DIAPH2: variants seen among roughly 807,000 people sequenced by gnomAD.
The protein encoded by DIAPH2 is protein diaphanous homolog 2.
DIAPH2 carries 35 observed loss-of-function variants against 92.7 expected under a neutral mutation model. The observed-to-expected ratio is 0.38, with a 90% confidence interval of 0.29 to 0.50. The LOEUF (loss-of-function observed/expected upper bound fraction) is 0.50, where lower values mean the gene tolerates loss of function less well. Among genes scored for constraint, DIAPH2 ranks in the 20% least tolerant of loss-of-function variants. The probability of loss-of-function intolerance (pLI) is 0.94; values close to 1 mark genes in which losing one functional copy is unlikely to be tolerated. For missense variants in DIAPH2, 701 were observed against 819.5 expected (o/e 0.86, Z 1.77); for synonymous variants, 301 against 280.4 (o/e 1.07, Z -0.73).
rs1271349364 is a variant in DIAPH2 at position 96,874,883 on chromosome X, A to G, written c.448-6696A>G. Among the ~76,000 whole-genome samples the G allele has an allele frequency of 2.7e-5, 3 of 111,993 alleles. No homozygotes were observed. The East Asian group carries it at 8.3e-4, about 31-fold the overall frequency. ...CAATATGGACACAGAATTAAAAACT[A>G]TGTTTAGAGTTTGTGTACTTGACAT... is the stretch of plus-strand genomic sequence containing the variant. On this transcript the variant is annotated intron_variant, in intron 4 of 26. Transcript: ENST00000324765.
At chrX:96,932,935 C>T (rs2065628956) in intron 10 of DIAPH2, among the ~76,000 whole-genome samples, 1 of 111,772 alleles carries the variant, frequency 8.9e-6, no homozygotes, top group Admixed American at 9.5e-5. Flanking sequence ...CCACACCCTA[C>T]TACCCTTTCT....
chrX:97,386,672 TAA>T (rs1226314356), intron 25 of DIAPH2, among the ~76,000 whole-genome samples: 1 of 93,180 alleles, frequency 1.1e-5, no homozygotes. Context: ...TGTCTCAAAA[TAA>T]AAAAAAAAAG....
At chrX:96,876,874 C>T (rs986933470) in intron 4 of DIAPH2, among the ~76,000 whole-genome samples, 1 of 109,979 alleles carries the variant, frequency 9.1e-6, no homozygotes, top group African/African-American at 3.3e-5. Context: ...CAAACCTGCA[C>T]GTTATGTACA....
Position 96,957,828 on chromosome X carries a change from G to A in DIAPH2, c.1615G>A (p.Ala539Thr). 8.5e-7 allele frequency: 1 copy of A among 1,176,983 alleles called. No individual in the cohort carries two copies. ...TAAACTTGGATTATTTATATTTCAG[G>A]CACAAGTACTCTCAAGTTCATCAGG... is the stretch of plus-strand genomic sequence containing the variant. ...EAEIQQLRTQ[A>T]QVLSSSSGIP... Residue 539 changes from alanine to threonine, a missense_variant and splice_region_variant, in exon 16 of 27, where the codon GCA becomes ACA. Physicochemically the swap from Ala to Thr is moderately conservative, Grantham distance 58. This residue lies in a region of DIAPH2 where 536 missense variants were observed against 599.3 expected (regional missense o/e 0.89). Coordinates refer to ENST00000324765, the MANE Select transcript of DIAPH2 (RefSeq NM_006729.5).
At chrX:97,236,545 ATTT>A (rs200824073) in intron 22 of DIAPH2, among the ~76,000 whole-genome samples, 4 of 87,521 alleles carry the variant, frequency 4.6e-5, no homozygotes, top group African/African-American at 1.7e-4. Flanking sequence ...TTTCATTTTC[ATTT>A]TTTTTTTTTT....
chrX:97,007,430 G>A (rs2066190570), intron 17 of DIAPH2, among the ~76,000 whole-genome samples: 1 of 110,673 alleles, frequency 9.0e-6, no homozygotes, highest in South Asian at 3.9e-4. Context: ...ATTTTCTCTG[G>A]ATATACTATC....
At chrX:96,729,686 T>C (rs1418028770) in intron 1 of DIAPH2, among the ~76,000 whole-genome samples, 1 of 112,430 alleles carries the variant, frequency 8.9e-6, no homozygotes, top group Non-Finnish European at 1.9e-5. Context: ...AATATTTTGT[T>C]CTTTATAAAT....
At chrX:97,588,740 G>A (rs748225817) in intron 26 of DIAPH2, among the ~76,000 whole-genome samples, 27 of 108,465 alleles carry the variant, frequency 2.5e-4, no homozygotes, top group Non-Finnish European at 4.4e-4. Flanking sequence ...AACATTCCAC[G>A]GCCCTTACTG....
At chrX:97,442,158 T>C (rs1189211824) in intron 26 of DIAPH2, 1 of 113,240 alleles carries the variant, frequency 8.8e-6, no homozygotes, top group Admixed American at 9.3e-5. Flanking sequence ...TCTAGTTGAC[T>C]TTTATGAGAA....
At chrX:96,840,760 C>A (rs1260709817) in intron 4 of DIAPH2, among the ~76,000 whole-genome samples, 1 of 107,003 alleles carries the variant, frequency 9.3e-6, no homozygotes, top group Non-Finnish European at 1.9e-5. Flanking sequence ...AGACGCCCAC[C>A]ACCATGCCCA....
chrX:96,870,130 G>A (rs924186379), intron 4 of DIAPH2, among the ~76,000 whole-genome samples: 2 of 111,517 alleles, frequency 1.8e-5, no homozygotes, highest in Middle Eastern at 4.6e-3. Flanking sequence ...TGACTTCTCC[G>A]TGACTCAGTT....
chrX:97,367,506 T>C (rs778634492), intron 24 of DIAPH2, among the ~76,000 whole-genome samples: 5 of 111,443 alleles, frequency 4.5e-5, no homozygotes, highest in South Asian at 3.8e-4. Flanking sequence ...ATCCACGCTA[T>C]TTTGTTTTCA....
At chrX:96,876,143 A>G (rs1273895756) in intron 4 of DIAPH2, among the ~76,000 whole-genome samples, 4 of 112,297 alleles carry the variant, frequency 3.6e-5, no homozygotes, top group African/African-American at 1.3e-4. Flanking sequence ...TATGCAGCCA[A>G]CAGACACATG....
intron 4 of DIAPH2, among the ~76,000 whole-genome samples, chrX:96,802,675 G>A (rs1187707123): frequency 1.8e-5 from 2 of 111,530 alleles, no homozygotes; most frequent in Non-Finnish European, 3.8e-5. Flanking sequence ...ATTAGTCAGC[G>A]TTCTCCAGAG....
Position 97,383,604 on chromosome X carries a change from C to T in DIAPH2, c.3010-305C>T, listed in dbSNP as rs1040882084. Among the ~76,000 whole-genome samples the T allele has an allele frequency of 2.8e-5, 3 of 105,508 alleles. No homozygotes were observed. The East Asian group carries it at 8.7e-4, about 31-fold the overall frequency. The allele number at this position is 105,508 out of a possible 115,157, so 91.6% of individuals were successfully genotyped here. On this transcript the variant is annotated intron_variant, in intron 24 of 26. Transcript: ENST00000324765. ...TTGATGTCCTTAATTTTCTGGCACC[C>T]TAGATAATGGCAATTGAAGACTGAG... is the stretch of plus-strand genomic sequence containing the variant.
At chrX:97,556,574 A>T (rs1267079584) in intron 26 of DIAPH2, among the ~76,000 whole-genome samples, 1 of 111,790 alleles carries the variant, frequency 8.9e-6, no homozygotes, top group Non-Finnish European at 1.9e-5. Context: ...CATTCCTTGC[A>T]TTCCAATTTC....
chrX:96,848,158 G>A (rs2064984720), intron 4 of DIAPH2, among the ~76,000 whole-genome samples: 1 of 110,840 alleles, frequency 9.0e-6, no homozygotes, highest in Non-Finnish European at 1.9e-5. Flanking sequence ...TGCCATCTCA[G>A]CCTCCTGAAT....
intron 22 of DIAPH2, among the ~76,000 whole-genome samples, chrX:97,156,747 A>G (rs1178036397): frequency 5.4e-5 from 6 of 112,135 alleles, no homozygotes; most frequent in Non-Finnish European, 1.1e-4. Flanking sequence ...ATATCCACCT[A>G]TACAATATAT....
chrX:96,906,797 G>A (rs752959377), intron 5 of DIAPH2, among the ~76,000 whole-genome samples: 3 of 111,769 alleles, frequency 2.7e-5, no homozygotes, highest in East Asian at 5.6e-4. Context: ...AGCTTTTTGA[G>A]CAGCGTAACA....
Sources: gnomAD v4.1 joint callset for allele counts (sites outside exome capture counted in the v4.1 genomes callset) on GRCh38, gnomAD v4.1.1 for gene constraint, gnomAD v4.1.1 regional missense constraint, MANE v1.5 for transcripts, NCBI Gene and HGNC (gene_info 2026-07-23, HGNC 2026-07-21) for gene names.